The following MICAL3 variants were observed in gnomAD, a reference collection of about 807,000 sequenced individuals.
The protein encoded by MICAL3 is [F-actin]-monooxygenase MICAL3.
MICAL3 carries 62 observed loss-of-function variants against 207.4 expected under a neutral mutation model. That is an observed-to-expected ratio of 0.30 (90% CI 0.24 to 0.37). The LOEUF is 0.37. Ranked by LOEUF, MICAL3 falls within the 10% of genes least tolerant of loss-of-function variation. The probability of loss-of-function intolerance (pLI) is 1.00; values close to 1 mark genes in which losing one functional copy is unlikely to be tolerated. For missense variants in MICAL3, 2,368 were observed against 2,635.6 expected (o/e 0.90, Z 2.22); for synonymous variants, 1,077 against 1,069.3 (o/e 1.01, Z -0.14).
intron 1 of MICAL3, among the ~76,000 whole-genome samples, chr22:17,957,708 C>CAAAAAA (rs374917425): frequency 9.4e-6 from 1 of 106,322 alleles, no homozygotes; most frequent in Non-Finnish European, 1.9e-5. Context: ...GAAACTATGT[C>CAAAAAA]AAAAAAAAAA....
chr22:18,016,852 A>C (rs1476355309), intron 1 of MICAL3, among the ~76,000 whole-genome samples: 1 of 151,960 alleles, frequency 6.6e-6, no homozygotes, highest in Non-Finnish European at 1.5e-5. Flanking sequence ...AGGCAGGAGA[A>C]TGGCGTGAAC....
At position 17,967,492 on chromosome 22, in the gene MICAL3, A is replaced by ACC. The variant is rs1295721158; in HGVS notation, c.-75+56787_-75+56788dup. ...CACACACACACACACACACACACAC[A>ACC]CCCACACACACCCACTCATGCCTAC... On this transcript the variant is annotated intron_variant, in intron 1 of 31. Transcript: ENST00000441493. Among the ~76,000 whole-genome samples the ACC allele has an allele frequency of 4.6e-3, 687 of 148,722 alleles. 3 individuals are homozygous for ACC. The highest frequency in any genetic ancestry group is 0.016 in the African/African-American group (634 of 40,400).
Position 17,948,912 on chromosome 22 carries a change from C to CAAAAAAAAA in MICAL3, c.-74-42035_-74-42027dup, listed in dbSNP as rs112234424. 4.8e-3 allele frequency among the ~76,000 whole-genome samples: 515 copies of CAAAAAAAAA among 106,566 alleles called. 15 individuals are homozygous for CAAAAAAAAA. The highest frequency in any genetic ancestry group is 0.019 in the Middle Eastern group (3 of 156). 69.9% of individuals were successfully genotyped at this position (106,566 alleles called of 152,430 possible). A position where few individuals can be genotyped will look rare whatever the true frequency, so the allele number is the denominator to read the frequency against. ...TGGGTGACAAAGTGAGATGCTGCCT[C>CAAAAAAAAA]AAAAAAAAAAAAAATTGGCCAGCAC... On this transcript the variant is annotated intron_variant, in intron 1 of 31. Coordinates refer to ENST00000441493, the MANE Select transcript of MICAL3 (RefSeq NM_015241.3).
intron 1 of MICAL3, among the ~76,000 whole-genome samples, chr22:17,973,225 C>T (rs920453118): frequency 6.6e-5 from 10 of 152,198 alleles, no homozygotes; most frequent in Non-Finnish European, 1.2e-4. Context: ...TGCCCTGTGG[C>T]ATCAACACTT....
intron 16 of MICAL3, chr22:17,875,690 A>AAAAAAC (rs1191017846): frequency 2.2e-6 from 1 of 464,820 alleles, no homozygotes; most frequent in African/African-American, 2.1e-5. Context: ...AGTAAAAAAA[A>AAAAAAC]AAAAAAAAAA....
At chr22:17,937,107 A>C (rs562568887) in intron 1 of MICAL3, among the ~76,000 whole-genome samples, 1 of 152,344 alleles carries the variant, frequency 6.6e-6, no homozygotes, top group South Asian at 2.1e-4. Context: ...AGATACAGAA[A>C]CAGAAGTCAA....
chr22:17,967,229 T>C (rs1001389219), intron 1 of MICAL3, among the ~76,000 whole-genome samples: 1 of 152,216 alleles, frequency 6.6e-6, no homozygotes, highest in African/African-American at 2.4e-5. Flanking sequence ...GTTATCTTTA[T>C]GTGATAGAGG....
At chr22:17,795,360 C>T (rs1278806486) in intron 29 of MICAL3, among the ~76,000 whole-genome samples, 1 of 152,252 alleles carries the variant, frequency 6.6e-6, no homozygotes, top group Non-Finnish European at 1.5e-5. Flanking sequence ...CCTGCCACCT[C>T]CTGGGACTGG....
intron 1 of MICAL3, among the ~76,000 whole-genome samples, chr22:17,950,661 C>G (rs370488364): frequency 6.6e-6 from 1 of 152,166 alleles, no homozygotes; most frequent in East Asian, 1.9e-4. Flanking sequence ...AAACACATAA[C>G]AGCACTCCTA....
intron 1 of MICAL3, among the ~76,000 whole-genome samples, chr22:17,950,166 A>ATTTTTTTTTTTTTTTTTTTTTTTTT (rs10657913): frequency 1.4e-5 from 2 of 143,978 alleles, no homozygotes; most frequent in African/African-American, 5.3e-5. Context: ...ACAGCTGTCT[A>ATTTTTTTTTTTTTTTTTTTTTTTTT]TTTTTTTTTT....
chr22:17,807,524 G>A (rs1164083551), intron 29 of MICAL3, among the ~76,000 whole-genome samples: 1 of 152,192 alleles, frequency 6.6e-6, no homozygotes, highest in Non-Finnish European at 1.5e-5. Flanking sequence ...AGCATCAGGT[G>A]AGCCCAAACC....
At chr22:18,002,091 T>C (rs998478686) in intron 1 of MICAL3, among the ~76,000 whole-genome samples, 31 of 152,132 alleles carry the variant, frequency 2.0e-4, no homozygotes, top group Middle Eastern at 3.4e-3. Flanking sequence ...CCAGCTACTC[T>C]GGAGGCTGAG....
At chr22:17,928,003 G>A (rs1306935738) in intron 1 of MICAL3, among the ~76,000 whole-genome samples, 1 of 152,162 alleles carries the variant, frequency 6.6e-6, no homozygotes, top group Non-Finnish European at 1.5e-5. Context: ...TTTGGCTTCT[G>A]ACTGTATACT....
In MICAL3 at chr22:17,908,377, T is replaced by C. The variant is rs144782801; in HGVS notation, c.-74-1491A>G. Among the ~76,000 whole-genome samples the C allele has an allele frequency of 5.9e-3, 898 of 152,220 alleles. 7 individuals are homozygous for C. Among genetic ancestry groups the C allele is most frequent in the African/African-American group, 0.02 (845 of 41,534 alleles). ...GGCTGGAATACAGTGGTGCGATCTC[T>C]GCTCACTGCAAGCTCCACCTCCTGG... On this transcript the variant is annotated intron_variant, in intron 1 of 31. Transcript: ENST00000441493.
intron 1 of MICAL3, among the ~76,000 whole-genome samples, chr22:17,921,869 G>C (rs564214289): frequency 1.3e-5 from 2 of 152,014 alleles, no homozygotes; most frequent in African/African-American, 4.8e-5. Context: ...AATGTGACCC[G>C]TTTCAGCCTC....
intron 1 of MICAL3, among the ~76,000 whole-genome samples, chr22:17,960,692 G>C (rs562602120): frequency 3.3e-4 from 51 of 152,248 alleles, no homozygotes; most frequent in Non-Finnish European, 6.8e-4. Flanking sequence ...GGGGTGAGAG[G>C]GTGGGGGGAA....
chr22:17,972,796 T>C (rs1302860259), intron 1 of MICAL3, among the ~76,000 whole-genome samples: 1 of 152,250 alleles, frequency 6.6e-6, no homozygotes, highest in African/African-American at 2.4e-5. Flanking sequence ...TGTTGTAGTA[T>C]TGTGCAACTG....
chr22:17,814,297 A>G (rs1451328644), intron 27 of MICAL3: 5 of 152,246 alleles, frequency 3.3e-5, no homozygotes, highest in Admixed American at 6.5e-5. Context: ...ATTTTGCCAC[A>G]CGCTTCATCT....
intron 19 of MICAL3, chr22:17,864,484 A>T: frequency 1.4e-6 from 2 of 1,425,734 alleles, no homozygotes; most frequent in Non-Finnish European, 1.8e-6. Context: ...AGCAAACTGC[A>T]TGAAGGCCGA....
Sources: allele counts gnomAD v4.1 joint callset (sites outside exome capture counted in the v4.1 genomes callset), GRCh38; gene constraint gnomAD v4.1.1; transcripts MANE v1.5; gene names NCBI Gene and HGNC (gene_info 2026-07-23, HGNC 2026-07-21).